Variants in ACTN2 observed in about 807,000 individuals in gnomAD.
ACTN2 encodes the protein actinin alpha 2.
ACTN2 carries 39 observed loss-of-function variants against 113.8 expected under a neutral mutation model. The ratio of observed to expected loss-of-function variants is 0.34; its 90% confidence interval spans 0.27 to 0.45. ACTN2 has a LOEUF of 0.45. Ranked by LOEUF, ACTN2 falls within the 20% of genes least tolerant of loss-of-function variation. The probability of loss-of-function intolerance (pLI) is 1.00; values close to 1 mark genes in which losing one functional copy is unlikely to be tolerated. For synonymous variants in ACTN2, 429 were observed against 444.1 expected (o/e 0.97, Z 0.43); for missense variants, 992 against 1,177.9 (o/e 0.84, Z 2.31).
At chr1:236,699,631 G>T (rs920072711) in intron 1 of ACTN2, among the ~76,000 whole-genome samples, 2 of 152,142 alleles carry the variant, frequency 1.3e-5, no homozygotes, top group African/African-American at 4.8e-5. Flanking sequence ...CCTCCTACGG[G>T]TGCCGTGTCT....
chr1:236,732,635 G>T (rs1572126327), intron 7 of ACTN2, among the ~76,000 whole-genome samples: 3 of 151,822 alleles, frequency 2.0e-5, no homozygotes, highest in Non-Finnish European at 2.9e-5. Context: ...TAGAGACAGG[G>T]TTTCACCATG....
intron 1 of ACTN2, among the ~76,000 whole-genome samples, chr1:236,712,183 T>C (rs1435599778): frequency 2.0e-5 from 3 of 152,238 alleles, no homozygotes. Context: ...GTTGTTTTTA[T>C]CTTATCCATG....
At chr1:236,687,665 A>C (rs904528864) in intron 1 of ACTN2, among the ~76,000 whole-genome samples, 1 of 152,274 alleles carries the variant, frequency 6.6e-6, no homozygotes, top group Admixed American at 6.5e-5. Flanking sequence ...GGGGCAAGAT[A>C]GATTTCCCTT....
At chr1:236,753,171 C>T (rs1659453556) in intron 15 of ACTN2, among the ~76,000 whole-genome samples, 1 of 152,166 alleles carries the variant, frequency 6.6e-6, no homozygotes, top group Non-Finnish European at 1.5e-5. Context: ...GTGTCATGAA[C>T]CCGTCTGGCA....
chr1:236,699,078 A>G (rs957657961), intron 1 of ACTN2, among the ~76,000 whole-genome samples: 1 of 152,188 alleles, frequency 6.6e-6, no homozygotes, highest in African/African-American at 2.4e-5. Flanking sequence ...TTTTGGTCTG[A>G]AAGTGGTAGA....
At chr1:236,705,029 G>A (rs1343267639) in intron 1 of ACTN2, among the ~76,000 whole-genome samples, 2 of 152,126 alleles carry the variant, frequency 1.3e-5, no homozygotes, top group Non-Finnish European at 2.9e-5. Context: ...TCAGATCATT[G>A]CTTTACGGCC....
At position 236,735,639 on chromosome 1, in the gene ACTN2, C is replaced by A. The variant is rs751046389; in HGVS notation, c.702C>A (p.Ile234=). The A allele has an allele frequency of 6.2e-7, 1 of 1,613,892 alleles. No homozygotes were observed. Among genetic ancestry groups the A allele is most frequent in the African/African-American group, 1.3e-5 (1 of 74,898 alleles). ...DIPKMLDAED[I]VNTPKPDERA... ...TGTTATTTTCTCCCCCTTCAGACAT[C>A]GTGAACACCCCTAAACCCGATGAAA... The change falls in exon 8 of 21, where the codon ATC becomes ATA. Residue 234 remains isoleucine (I), a synonymous_variant. Coordinates refer to ENST00000366578, the MANE Select transcript of ACTN2 (RefSeq NM_001103.4).
Position 236,739,426 on chromosome 1 carries a change from A to G in ACTN2, c.1001A>G (p.Lys334Arg), listed in dbSNP as rs767743838. 6.8e-6 allele frequency: 11 copies of G among 1,614,004 alleles called. No homozygotes were observed. Among genetic ancestry groups the G allele is most frequent in the Admixed American group, 3.3e-5 (2 of 59,994 alleles). ...TACCGCCGGAAGCACAAGCCACCCAAGGTGCAGGAGAAATGCCAGCTGGAG... is the reference window on the plus strand; with the variant it reads ...TACCGCCGGAAGCACAAGCCACCCAGGGTGCAGGAGAAATGCCAGCTGGAG... ...RDYRRKHKPP[K>R]VQEKCQLEIN... Residue 334 changes from lysine to arginine, a missense_variant, in exon 10 of 21, where the codon AAG (lysine) becomes AGG (arginine). Around this residue, in one of 3 missense-constraint regions of ACTN2, gnomAD observed 736 missense variants for 815.4 expected, o/e 0.90. Coordinates refer to ENST00000366578, the MANE Select transcript of ACTN2 (RefSeq NM_001103.4).
chr1:236,739,643 G>T, intron 10 of ACTN2, 111 bp downstream of exon 10: 1 of 1,293,256 alleles, frequency 7.7e-7, no homozygotes, highest in Non-Finnish European at 1.1e-6. Context: ...CTTTTTAGTT[G>T]TGTGAATATC....
intron 4 of ACTN2, among the ~76,000 whole-genome samples, chr1:236,720,456 G>T (rs989442301): frequency 5.9e-5 from 9 of 152,130 alleles, no homozygotes; most frequent in Non-Finnish European, 8.8e-5. Context: ...TGAGCTTCTT[G>T]ATTGCTTATT....
intron 1 of ACTN2, among the ~76,000 whole-genome samples, chr1:236,715,136 C>G (rs186247086): frequency 1.3e-5 from 2 of 149,976 alleles, no homozygotes; most frequent in South Asian, 2.1e-4. Flanking sequence ...CCCTTTCGTA[C>G]CACTTGAATT....
chr1:236,715,091 A>C (rs565237507), intron 1 of ACTN2, among the ~76,000 whole-genome samples: 2 of 152,316 alleles, frequency 1.3e-5, no homozygotes, highest in South Asian at 4.1e-4. Flanking sequence ...TGGGTAGCCA[A>C]GGAACAAAGG....
intron 1 of ACTN2, among the ~76,000 whole-genome samples, chr1:236,694,546 G>T (rs893258865): frequency 6.6e-6 from 1 of 152,048 alleles, no homozygotes; most frequent in African/African-American, 2.4e-5. Context: ...ATTGAATGAA[G>T]AAATTATGAA....
intron 8 of ACTN2, 135 bp downstream of exon 8, chr1:236,735,855 A>G (rs778547791): frequency 6.0e-6 from 5 of 838,518 alleles, no homozygotes; most frequent in Admixed American, 2.0e-5. Flanking sequence ...ATAACCTCAT[A>G]TGGCAAGTTC....
chr1:236,743,569 C>CT (rs59813567), intron 11 of ACTN2, among the ~76,000 whole-genome samples: 2,986 of 143,060 alleles, frequency 0.021, 46 homozygotes, highest in African/African-American at 0.042. Flanking sequence ...GAATATGGCC[C>CT]TTTTTTTTTT....
At chr1:236,728,230 G>A (rs375876324) in intron 6 of ACTN2, among the ~76,000 whole-genome samples, 17 of 143,112 alleles carry the variant, frequency 1.2e-4, no homozygotes, top group Admixed American at 3.7e-4. Flanking sequence ...AGCAGGCTCC[G>A]CCTCCCGGGT....
chr1:236,709,255 TACAC>T (rs372642966), intron 1 of ACTN2, among the ~76,000 whole-genome samples: 1,613 of 68,866 alleles, frequency 0.023, 64 homozygotes, highest in African/African-American at 0.079. Flanking sequence ...TATATATATA[TACAC>T]ACACACACAC....
chr1:236,693,205 A>T (rs1657340700), intron 1 of ACTN2, among the ~76,000 whole-genome samples: 1 of 145,746 alleles, frequency 6.9e-6, no homozygotes, highest in African/African-American at 2.5e-5. Flanking sequence ...ACACACACAC[A>T]CACACACACA....
intron 1 of ACTN2, among the ~76,000 whole-genome samples, chr1:236,688,776 C>T (rs1359761392): frequency 2.6e-5 from 4 of 152,102 alleles, no homozygotes; most frequent in South Asian, 2.1e-4. Flanking sequence ...GAACTGTGAG[C>T]TCAGTGTGGC....
Sources: gnomAD v4.1 joint callset for allele counts (sites outside exome capture counted in the v4.1 genomes callset) on GRCh38, gnomAD v4.1.1 for gene constraint, gnomAD v4.1.1 regional missense constraint, MANE v1.5 for transcripts, NCBI Gene and HGNC (gene_info 2026-07-23, HGNC 2026-07-21) for gene names.